MMS22L: variants seen among roughly 807,000 people sequenced by gnomAD.
MMS22L encodes MMS22 like, DNA repair protein.
Under a neutral mutation model 159.1 loss-of-function variants are expected in MMS22L, and 74 were observed. The ratio of observed to expected loss-of-function variants is 0.47; its 90% CI spans 0.39 to 0.56. The LOEUF is 0.56. Among genes scored for constraint, MMS22L ranks in the 20% least tolerant of loss-of-function variants. MMS22L has a pLI of 0.00. For missense variants in MMS22L, 1,351 were observed against 1,422.1 expected, an observed-to-expected ratio of 0.95 and a Z score of 0.80; for synonymous variants, 517 against 506.9, an observed-to-expected ratio of 1.02 and a Z score of -0.27.
At position 97,279,272 on chromosome 6, in the gene MMS22L, A is replaced by G. The variant is rs111240478; in HGVS notation, c.291-374T>C. ...GCCGAGGCGGGCGGATTACGAGGTCAGGAGATCGTGACCATCCTGGCAAAC... is the reference window on the plus strand; with the variant it reads ...GCCGAGGCGGGCGGATTACGAGGTCGGGAGATCGTGACCATCCTGGCAAAC... On this transcript the variant is annotated intron_variant, in intron 3 of 24. Transcript: ENST00000683635. Among the ~76,000 whole-genome samples, 894 of 150,684 alleles carry G rather than the reference A, an allele frequency of 5.9e-3. 13 individuals carry two copies. Among genetic ancestry groups the G allele is most frequent in the African/African-American group, 0.02 (836 of 40,966 alleles).
At chr6:97,236,171 A>G (rs1811376912) in intron 11 of MMS22L, among the ~76,000 whole-genome samples, 2 of 152,156 alleles carry the variant, frequency 1.3e-5, no homozygotes, top group South Asian at 4.1e-4. Context: ...CTACTAAAAA[A>G]TACAAAAATT....
rs199596952 is a variant in MMS22L, at chr6:97,259,713, A to C, written c.942+3622T>G. ...TAATAAATCTTATATATATATATAT[A>C]TCTATATATCCTATTGGCTGTTTCT... is the stretch of plus-strand genomic sequence containing the variant. On this transcript the variant is annotated intron_variant, in intron 9 of 24. Coordinates refer to ENST00000683635, the MANE Select transcript of MMS22L (RefSeq NM_001350599.2). 7 of 124,914 alleles carry C rather than the reference A, an allele frequency of 5.6e-5. No individual in the cohort carries two copies. The South Asian group carries it at 8.0e-4, about 14-fold the overall frequency. 7.7% of individuals were successfully genotyped at this position (124,914 alleles called of 1,614,324 possible).
At chr6:97,178,139 G>A (rs1253487856) in intron 18 of MMS22L, among the ~76,000 whole-genome samples, 1 of 152,098 alleles carries the variant, frequency 6.6e-6, no homozygotes, top group Non-Finnish European at 1.5e-5. Flanking sequence ...TGAACAATGC[G>A]GTTGTCCAGC....
chr6:97,229,844 C>G (rs901293809), intron 13 of MMS22L, among the ~76,000 whole-genome samples: 2 of 152,168 alleles, frequency 1.3e-5, no homozygotes, highest in Non-Finnish European at 2.9e-5. Context: ...CCTGCACCCC[C>G]TCACGAACAC....
chr6:97,185,178 A>G (rs1361910732), intron 15 of MMS22L, among the ~76,000 whole-genome samples: 4 of 152,102 alleles, frequency 2.6e-5, no homozygotes, highest in African/African-American at 4.8e-5. Context: ...TCTTTCCCAC[A>G]GCATTTATCA....
intron 9 of MMS22L, among the ~76,000 whole-genome samples, chr6:97,262,282 T>C (rs1466195191): frequency 1.3e-5 from 2 of 152,148 alleles, no homozygotes; most frequent in Non-Finnish European, 2.9e-5. Context: ...TTACATTTAT[T>C]TGATGCTAAA....
intron 24 of MMS22L, among the ~76,000 whole-genome samples, chr6:97,148,731 A>G (rs1303720717): frequency 2.6e-5 from 4 of 152,140 alleles, no homozygotes; most frequent in Non-Finnish European, 1.5e-5. Flanking sequence ...AGCTAAGGTT[A>G]ATGTATTATT....
chr6:97,263,472 T>A, intron 8 of MMS22L, 24 bp from the exon 9 acceptor site: 1 of 1,303,182 alleles, frequency 7.7e-7, no homozygotes, highest in Non-Finnish European at 1.1e-6. Context: ...CCAAAATGTG[T>A]TATTTATAAG....
At chr6:97,159,988 G>A (rs1446824546) in intron 22 of MMS22L, among the ~76,000 whole-genome samples, 5 of 54,340 alleles carry the variant, frequency 9.2e-5, no homozygotes, top group Non-Finnish European at 1.3e-4. Flanking sequence ...CCAGGTATTT[G>A]AGTTGCCATG....
intron 14 of MMS22L, among the ~76,000 whole-genome samples, chr6:97,190,017 T>G (rs1434211709): frequency 5.3e-5 from 8 of 152,186 alleles, no homozygotes; most frequent in Non-Finnish European, 1.2e-4. Context: ...CTAGAAATAC[T>G]CCTTGCAGAC....
intron 11 of MMS22L, among the ~76,000 whole-genome samples, chr6:97,243,929 C>G (rs905864349): frequency 1.3e-5 from 2 of 152,082 alleles, no homozygotes; most frequent in African/African-American, 4.8e-5. Context: ...ATCTTCAGGT[C>G]TCTCAGCCGT....
intron 9 of MMS22L, chr6:97,260,187 C>A (rs959673306): frequency 6.6e-6 from 1 of 152,104 alleles, no homozygotes; most frequent in Non-Finnish European, 1.5e-5. Context: ...ATCCAGCAGA[C>A]CCTTTCAATA....
At position 97,229,186 on chromosome 6, in the gene MMS22L, G is replaced by A. The variant is rs1810580114; in HGVS notation, c.1747C>T (p.Gln583Ter). 6.2e-7 allele frequency: 1 copy of A among 1,614,040 alleles called. No homozygotes were observed. The highest frequency in any genetic ancestry group is 8.5e-7 in the Non-Finnish European group (1 of 1,179,998). ...GHMAFLLMYA[Q>*]KNLDIGVLAE... ...AAAACACCAATGTCCAGATTTTTCT[G>A]GGCATACATCAAGAGGAAGGCCATG... The change falls in exon 14 of 25, where the codon CAG (glutamine) becomes TAG (stop). Residue 583 changes from glutamine (Q) to a stop codon, truncating the protein, a stop_gained. Transcript: ENST00000683635. LOFTEE classifies it high-confidence loss of function.
Position 97,168,158 on chromosome 6 carries a change from C to T in MMS22L, c.2922G>A (p.Leu974=). 2.5e-6 allele frequency: 4 copies of T among 1,613,272 alleles called. No homozygotes were observed. The highest frequency in any genetic ancestry group is 3.4e-6 in the Non-Finnish European group (4 of 1,179,476). ...KLLFRIIDCL[L]LPHAVLQQEK... ...CTTGCTGTAATACTGCATGTGGCAG[C>T]AGTAAACAATCTATGATCCGGAATA... Residue 974 remains leucine (L), a synonymous_variant, in exon 20 of 25, where the codon CTG becomes CTA. Transcript: ENST00000683635.
chr6:97,271,115 A>G (rs981528687), intron 6 of MMS22L: 4 of 152,116 alleles, frequency 2.6e-5, no homozygotes, highest in African/African-American at 9.6e-5. Context: ...ACCAATTAAA[A>G]CAAGACATTT....
Position 97,146,464 on chromosome 6 carries a change from G to A in MMS22L, c.*342C>T. ...GACAAATCAGTCACAAGGCAGGGAG[G>A]CAGGAAGTCATACTACAACAAAAAG... On this transcript the variant is annotated 3_prime_UTR_variant, in exon 25 of 25. Coordinates refer to ENST00000683635, the MANE Select transcript of MMS22L (RefSeq NM_001350599.2). The A allele has an allele frequency of 6.2e-6, 1 of 161,688 alleles. No homozygotes were observed. Among genetic ancestry groups the A allele is most frequent in the Non-Finnish European group, 1.3e-5 (1 of 74,594 alleles). 10.0% of individuals were successfully genotyped at this position (161,688 alleles called of 1,614,324 possible).
At chr6:97,154,673 T>C (rs1305496740) in intron 22 of MMS22L, among the ~76,000 whole-genome samples, 1 of 152,228 alleles carries the variant, frequency 6.6e-6, no homozygotes, top group Non-Finnish European at 1.5e-5. Context: ...CATGTGGCTA[T>C]CTGACCTAGC....
chr6:97,195,069 C>G (rs1183940937), intron 14 of MMS22L, among the ~76,000 whole-genome samples: 1 of 152,114 alleles, frequency 6.6e-6, no homozygotes, highest in Non-Finnish European at 1.5e-5. Flanking sequence ...ATTGATAGAA[C>G]TTTGTACAAT....
At chr6:97,154,973 T>C (rs1801681107) in intron 22 of MMS22L, among the ~76,000 whole-genome samples, 1 of 152,220 alleles carries the variant, frequency 6.6e-6, no homozygotes, top group African/African-American at 2.4e-5. Context: ...TAGTAATTCA[T>C]ATGGAGCTAT....
Sources: allele counts gnomAD v4.1 joint callset (sites outside exome capture counted in the v4.1 genomes callset), GRCh38; gene constraint gnomAD v4.1.1; transcripts MANE v1.5; gene names NCBI Gene and HGNC (gene_info 2026-07-23, HGNC 2026-07-21).